Variants in TERF2 observed in about 807,000 individuals in gnomAD.
TERF2 encodes telomeric repeat binding factor 2.
TERF2 carries 16 observed loss-of-function variants against 56.1 expected under a neutral mutation model. That is an observed-to-expected ratio of 0.29 (90% CI 0.19 to 0.43). The LOEUF (loss-of-function observed/expected upper bound fraction) is 0.43. Among genes scored for constraint, TERF2 ranks in the 20% least tolerant of loss-of-function variants. TERF2 has a pLI of 1.00. For synonymous variants in TERF2, 296 were observed against 282.1 expected (o/e 1.05, Z -0.50); for missense variants, 547 against 712.9 (o/e 0.77, Z 2.65).
chr16:69,360,649 A>G (rs1456659183), intron 8 of TERF2, among the ~76,000 whole-genome samples: 1 of 147,586 alleles, frequency 6.8e-6, no homozygotes. Flanking sequence ...TCACGGCTAC[A>G]GTGAGCCAAG....
chr16:69,367,765 A>T (rs544824973), intron 6 of TERF2, among the ~76,000 whole-genome samples: 171 of 152,346 alleles, frequency 1.1e-3, no homozygotes, highest in Non-Finnish European at 2.0e-3. Context: ...TCTAACCAAC[A>T]TGAAAAAAAA....
At chr16:69,357,626 A>C in intron 8 of TERF2, 65 bp from the exon 9 acceptor site, 1 of 1,583,778 alleles carries the variant, frequency 6.3e-7, no homozygotes, top group Non-Finnish European at 8.6e-7. Context: ...CACAAGAAAA[A>C]GACATGGAAT....
Position 69,357,562 on chromosome 16 carries a change from C to T in TERF2, c.1427-1G>A, listed in dbSNP as rs1181355656. Reference sequence around the variant, plus strand: ...GTTGTACTGTCTTCATCTGGTGCTGCTGGAAAACATTAAAAGTAGACTCAT... The same window carrying T: ...GTTGTACTGTCTTCATCTGGTGCTGTTGGAAAACATTAAAAGTAGACTCAT... On this transcript the variant is annotated splice_acceptor_variant, in intron 8 of 9. Transcript: ENST00000254942. LOFTEE classifies it high-confidence loss of function. 1 of 1,613,226 alleles carries T rather than the reference C, an allele frequency of 6.2e-7. No individual in the cohort carries two copies.
chr16:69,356,514 G>C lies in TERF2; in HGVS notation c.*384C>G, dbSNP rs1217925026. ...CCCAGCCCAGCTTCTGAAAGAAACA[G>C]CAGATGCCAGGCGCGGTGGCTCATG... is the stretch of plus-strand genomic sequence containing the variant. On this transcript the variant is annotated 3_prime_UTR_variant, in exon 10 of 10. Coordinates refer to ENST00000254942, the MANE Select transcript of TERF2 (RefSeq NM_005652.5). The C allele has an allele frequency of 3.7e-6, 1 of 270,406 alleles. No homozygotes were observed. Among genetic ancestry groups the C allele is most frequent in the Non-Finnish European group, 7.3e-6 (1 of 137,928 alleles). 16.8% of individuals were successfully genotyped at this position (270,406 alleles called of 1,614,324 possible).
chr16:69,371,346 A>T (rs1300817947), intron 4 of TERF2, among the ~76,000 whole-genome samples: 7 of 151,534 alleles, frequency 4.6e-5, no homozygotes, highest in African/African-American at 1.2e-4. Flanking sequence ...TAAAAAATTT[A>T]AAAAATTAGC....
At chr16:69,372,451 A>G in intron 3 of TERF2, 96 bp from the exon 4 acceptor site, 1 of 824,262 alleles carries the variant, frequency 1.2e-6, no homozygotes, top group Non-Finnish European at 1.9e-6. Flanking sequence ...ATCATATCAA[A>G]TTTCTGTACT....
In TERF2 at chr16:69,356,396, C is replaced by G. The variant is rs1208109388; in HGVS notation, c.*502G>C. On this transcript the variant is annotated 3_prime_UTR_variant, in exon 10 of 10. Coordinates refer to ENST00000254942, the MANE Select transcript of TERF2 (RefSeq NM_005652.5). ...CATCTCTGCCAAGGACATGGGTGGA[C>G]TTGGCTCTGCTTCTTAGCTCCATGA... 1 of 308,920 alleles carries G rather than the reference C, an allele frequency of 3.2e-6. No homozygotes were observed. Among genetic ancestry groups the G allele is most frequent in the Admixed American group, 4.7e-5 (1 of 21,274 alleles). The allele number at this position is 308,920 out of a possible 1,614,324, so 19.1% of individuals were successfully genotyped here. A position where few individuals can be genotyped will look rare whatever the true frequency, so the allele number is the denominator to read the frequency against.
chr16:69,370,862 A>G (rs1332327102), intron 4 of TERF2, among the ~76,000 whole-genome samples: 1 of 152,228 alleles, frequency 6.6e-6, no homozygotes, highest in Non-Finnish European at 1.5e-5. Flanking sequence ...TTATATGCTA[A>G]CATAGAATGA....
At chr16:69,376,680 C>A (rs1310368627) in intron 3 of TERF2, among the ~76,000 whole-genome samples, 1 of 145,392 alleles carries the variant, frequency 6.9e-6, no homozygotes, top group Non-Finnish European at 1.5e-5. Context: ...ACAGGGAGAC[C>A]CCATCTTTAC....
intron 3 of TERF2, among the ~76,000 whole-genome samples, chr16:69,376,837 G>A (rs1318025256): frequency 6.9e-6 from 1 of 145,370 alleles, no homozygotes; most frequent in Non-Finnish European, 1.5e-5. Context: ...TCCAGCCCGG[G>A]TGACAGAGCG....
chr16:69,376,499 AAAT>A (rs1567453147), intron 3 of TERF2, among the ~76,000 whole-genome samples: 3 of 152,110 alleles, frequency 2.0e-5, no homozygotes, highest in Non-Finnish European at 4.4e-5. Flanking sequence ...TTGGTTATTT[AAAT>A]TCCTTTGCTT....
rs2014129784 is a variant in TERF2 at position 69,384,814 on chromosome 16, TG to T, written c.476-105del. ...TTTATGGAAATGGAGCATGCAAATA[TG>T]GTAAGATTTGCATTTAATTTTTTGA... On this transcript the variant is annotated intron_variant, in intron 2 of 9. Coordinates refer to ENST00000254942, the MANE Select transcript of TERF2 (RefSeq NM_005652.5). The T allele has an allele frequency of 3.7e-6, 4 of 1,068,328 alleles. No individual in the cohort carries two copies. In the South Asian group the frequency reaches 1.1e-4, roughly 29 times the overall value. The allele number at this position is 1,068,328 out of a possible 1,614,324, so 66.2% of individuals were successfully genotyped here.
At chr16:69,360,377 T>C (rs1196981360) in intron 8 of TERF2, among the ~76,000 whole-genome samples, 1 of 149,166 alleles carries the variant, frequency 6.7e-6, no homozygotes, top group East Asian at 2.0e-4. Context: ...AAAGTAAGAC[T>C]GCATCTCAAA....
At chr16:69,385,557 GGCGCTCCAA>G (rs1597265524) in intron 1 of TERF2, 27 bp downstream of exon 1, 2 of 734,372 alleles carry the variant, frequency 2.7e-6, no homozygotes, top group Non-Finnish European at 4.3e-6. Context: ...CCCCTTCCCC[GGCGCTCCAA>G]CCCCCCTCCC....
At chr16:69,378,862 A>G (rs1190578408) in intron 3 of TERF2, among the ~76,000 whole-genome samples, 3 of 152,040 alleles carry the variant, frequency 2.0e-5, no homozygotes, top group Non-Finnish European at 4.4e-5. Context: ...AAGAAAGGAA[A>G]TATGAATGCT....
intron 3 of TERF2, 143 bp from the exon 4 acceptor site, chr16:69,372,498 C>T (rs757518672): frequency 2.3e-5 from 12 of 532,832 alleles, no homozygotes; most frequent in Admixed American, 1.4e-4. Context: ...CGCGGTGGCT[C>T]ACGCCTGTAA....
chr16:69,361,621 A>G, intron 7 of TERF2, 132 bp from the exon 8 acceptor site: 2 of 684,356 alleles, frequency 2.9e-6, no homozygotes, highest in South Asian at 1.7e-5. Context: ...GTTCGCCTGC[A>G]TGCACCTCCC....
In TERF2 at chr16:69,366,790, A is replaced by C; in HGVS notation, c.1340+17T>G. On this transcript the variant is annotated intron_variant, in intron 7 of 9. Transcript: ENST00000254942. ...CACCAACCAGCCCCAAAATTTCTAC[A>C]AAGAAGGTCTTCATACTTGGGATTC... 1 of 1,583,062 alleles carries C rather than the reference A, an allele frequency of 6.3e-7. No homozygotes were observed. The highest frequency in any genetic ancestry group is 8.6e-7 in the Non-Finnish European group (1 of 1,164,558).
intron 3 of TERF2, among the ~76,000 whole-genome samples, chr16:69,379,576 A>G (rs1048522247): frequency 6.6e-6 from 1 of 152,204 alleles, no homozygotes; most frequent in Non-Finnish European, 1.5e-5. Context: ...TGGTCTCAGG[A>G]TTCTTTTATA....
Sources: gnomAD v4.1 joint callset for allele counts (sites outside exome capture counted in the v4.1 genomes callset) on GRCh38, gnomAD v4.1.1 for gene constraint, MANE v1.5 for transcripts, NCBI Gene and HGNC (gene_info 2026-07-23, HGNC 2026-07-21) for gene names.